CEP43: variants seen among roughly 807,000 people sequenced by gnomAD.
CEP43 encodes the protein FGFR1 oncogene partner.
A neutral mutation model predicts 52.6 loss-of-function variants in CEP43; 36 were observed. The ratio of observed to expected loss-of-function variants is 0.68; its 90% CI spans 0.52 to 0.90. The LOEUF (loss-of-function observed/expected upper bound fraction) is 0.90, where lower values mean the gene tolerates loss of function less well. CEP43 is among the 40% of genes least tolerant of loss of function. CEP43 has a pLI of 0.00. For missense variants in CEP43, 506 were observed against 472.8 expected (o/e 1.07, Z -0.65); for synonymous variants, 192 against 172.4 (o/e 1.11, Z -0.89).
chr6:167,044,713 T>C lies in CEP43; in HGVS notation c.*4735T>C, dbSNP rs1041271484. On this transcript the variant is annotated 3_prime_UTR_variant, in exon 13 of 13. Transcript: ENST00000366847. ...GCCCCTCGTGTCATCCGACTTTGCG[T>C]TGTGGCCCTGCCTGCAGAAACGTGT... 4 of 260,674 alleles carry C rather than the reference T, an allele frequency of 1.5e-5. No homozygotes were observed. The highest frequency in any genetic ancestry group is 2.4e-5 in the Non-Finnish European group (4 of 167,342). The allele number at this position is 260,674 out of a possible 1,614,324, so 16.1% of individuals were successfully genotyped here.
intron 12 of CEP43, chr6:167,036,747 C>T (rs982403134): frequency 1.0e-5 from 10 of 984,702 alleles, no homozygotes; most frequent in Non-Finnish European, 1.2e-5. Context: ...AAGTTGGTCA[C>T]TTTGAGTTCT....
rs113442905 is a variant in CEP43 at position 167,012,343 on chromosome 6, G to C, written c.520-1165G>C. On this transcript the variant is annotated intron_variant, in intron 6 of 12. Transcript: ENST00000366847. ...TTGCTCCTTCTGAGATTTCTAGTTG[G>C]TGTAGGGAAGGCCTTTTTTTAAAAT... is the stretch of plus-strand genomic sequence containing the variant. Among the ~76,000 whole-genome samples the C allele has an allele frequency of 2.2e-3, 342 of 152,110 alleles. 2 individuals are homozygous for C. The highest frequency in any genetic ancestry group is 6.0e-3 in the Admixed American group (92 of 15,292).
intron 12 of CEP43, chr6:167,036,137 A>C (rs997032926): frequency 3.0e-6 from 3 of 985,298 alleles, no homozygotes; most frequent in Non-Finnish European, 3.6e-6. Context: ...AAAAAGTGAC[A>C]GGTGCCATAA....
intron 5 of CEP43, among the ~76,000 whole-genome samples, chr6:167,009,316 C>T (rs1192455937): frequency 7.9e-5 from 12 of 151,552 alleles, no homozygotes; most frequent in African/African-American, 2.9e-4. Flanking sequence ...TTGAGACCAG[C>T]CTGGCCAACA....
chr6:167,047,869 TA>T lies in CEP43; in HGVS notation c.*7893del, dbSNP rs1431771581. 4 of 152,286 alleles carry T rather than the reference TA, an allele frequency of 2.6e-5. No homozygotes were observed. The East Asian group carries it at 7.7e-4, about 29-fold the overall frequency. 9.4% of individuals were successfully genotyped at this position (152,286 alleles called of 1,614,324 possible). ...CAGAGGAACCTCACGGTGGATGCCG[TA>T]AGTGTTTACACTGAAAAGGATTTTC... On this transcript the variant is annotated 3_prime_UTR_variant, in exon 13 of 13. Transcript: ENST00000366847.
Position 167,048,705 on chromosome 6 carries a change from A to T in CEP43, c.*8727A>T, listed in dbSNP as rs961320232. The T allele has an allele frequency of 6.6e-6, 1 of 152,232 alleles. No homozygotes were observed. The highest frequency in any genetic ancestry group is 1.5e-5 in the Non-Finnish European group (1 of 68,032). 9.4% of individuals were successfully genotyped at this position (152,232 alleles called of 1,614,324 possible). On this transcript the variant is annotated 3_prime_UTR_variant, in exon 13 of 13. Transcript: ENST00000366847. ...AATACATGGTAAAAATATTCAAATTATTACTGATTTGACACAAAATATTGA... is the reference window on the plus strand; with the variant it reads ...AATACATGGTAAAAATATTCAAATTTTTACTGATTTGACACAAAATATTGA...
rs558005992 is a variant in CEP43, at chr6:167,047,816, G to A, written c.*7838G>A. ...ATGAGACACAGAATCAGAAACCATG[G>A]ATTTCTGGTCTTGACTCCACTACCA... On this transcript the variant is annotated 3_prime_UTR_variant, in exon 13 of 13. Coordinates refer to ENST00000366847, the MANE Select transcript of CEP43 (RefSeq NM_007045.4). 5.0e-4 allele frequency: 76 copies of A among 152,040 alleles called. No homozygotes were observed. The highest frequency in any genetic ancestry group is 1.8e-3 in the African/African-American group (74 of 41,480). The allele number at this position is 152,040 out of a possible 1,614,324, so 9.4% of individuals were successfully genotyped here.
At chr6:167,000,508 T>C (rs1779710177) in intron 2 of CEP43, among the ~76,000 whole-genome samples, 1 of 152,232 alleles carries the variant, frequency 6.6e-6, no homozygotes, top group South Asian at 2.1e-4. Context: ...CTCAATTATT[T>C]TGACAATGAA....
In CEP43 at chr6:167,040,782, A is replaced by G; in HGVS notation, c.*804A>G. ...TCTGAAACCATTAAGCAGTGCTTTT[A>G]TTTCAGATCTGTAAGTTAATTGTAT... On this transcript the variant is annotated 3_prime_UTR_variant, in exon 13 of 13. Coordinates refer to ENST00000366847, the MANE Select transcript of CEP43 (RefSeq NM_007045.4). 9.9e-7 allele frequency: 1 copy of G among 1,012,446 alleles called. No homozygotes were observed. Among genetic ancestry groups the G allele is most frequent in the Non-Finnish European group, 1.2e-6 (1 of 842,758 alleles). The allele number at this position is 1,012,446 out of a possible 1,614,324, so 62.7% of individuals were successfully genotyped here.
At chr6:167,038,468 G>C (rs942995031) in intron 12 of CEP43, among the ~76,000 whole-genome samples, 1 of 152,188 alleles carries the variant, frequency 6.6e-6, no homozygotes, top group Non-Finnish European at 1.5e-5. Context: ...AATTTAACGT[G>C]GGTAAATTAT....
rs772655774 is a variant in CEP43, at chr6:167,022,653, G to A, written c.806+18G>A. On this transcript the variant is annotated intron_variant, in intron 8 of 12. Transcript: ENST00000366847. ...TACGGTTTGTGAGTAAATGGTTTTT[G>A]AGCTATGAGACTAGGGGTTTAAAAA... 2.0e-6 allele frequency: 3 copies of A among 1,517,400 alleles called. No homozygotes were observed. Among genetic ancestry groups the A allele is most frequent in the Admixed American group, 3.4e-5 (2 of 59,278 alleles). 94.0% of individuals were successfully genotyped at this position (1,517,400 alleles called of 1,614,324 possible). A position where few individuals can be genotyped will look rare whatever the true frequency, so the allele number is the denominator to read the frequency against.
chr6:167,009,596 C>T (rs184055210), intron 5 of CEP43, among the ~76,000 whole-genome samples: 34 of 140,720 alleles, frequency 2.4e-4, no homozygotes, highest in Non-Finnish European at 4.2e-4. Flanking sequence ...ACCCGGCAGT[C>T]GGAGGTTGCA....
At chr6:167,007,286 T>G (rs1185990395) in intron 5 of CEP43, among the ~76,000 whole-genome samples, 3 of 152,198 alleles carry the variant, frequency 2.0e-5, no homozygotes, top group Non-Finnish European at 4.4e-5. Context: ...TCACTGTTCT[T>G]CAGTACTTCA....
rs1779804916 is a variant in CEP43 at position 167,004,370 on chromosome 6, A to G, written c.407A>G (p.Gln136Arg). 2 of 1,601,278 alleles carry G rather than the reference A, an allele frequency of 1.2e-6. No individual in the cohort carries two copies. The highest frequency in any genetic ancestry group is 1.7e-6 in the Non-Finnish European group (2 of 1,174,386). Reference sequence around the variant, plus strand: ...TTATTAGAAGTGATCAGGCGCTGTCAACAGAAAGAAAAAGGGCCAACCACT... The same window carrying G: ...TTATTAGAAGTGATCAGGCGCTGTCGACAGAAAGAAAAAGGGCCAACCACT... ...PLLLEVIRRC[Q>R]QKEKGPTTGE... The change falls in exon 5 of 13, where the codon CAA (glutamine) becomes CGA (arginine). Residue 136 changes from glutamine (Q) to arginine (R), a missense_variant. Gln to Arg is a conservative substitution (Grantham distance 43). Transcript: ENST00000366847.
rs1295716471 is a variant in CEP43 at position 167,043,677 on chromosome 6, C to G, written c.*3699C>G. Reference sequence around the variant, plus strand: ...GGAATACAGGTGTGAGTCACGGTGCCCGGCCTAGTCTTCCTGCTCTAGGAA... The same window carrying G: ...GGAATACAGGTGTGAGTCACGGTGCGCGGCCTAGTCTTCCTGCTCTAGGAA... On this transcript the variant is annotated 3_prime_UTR_variant, in exon 13 of 13. Transcript: ENST00000366847. 1 of 152,236 alleles carries G rather than the reference C, an allele frequency of 6.6e-6. No individual in the cohort carries two copies. Among genetic ancestry groups the G allele is most frequent in the Non-Finnish European group, 1.5e-5 (1 of 68,142 alleles). The allele number at this position is 152,236 out of a possible 1,614,324, so 9.4% of individuals were successfully genotyped here.
chr6:167,017,678 A>G (rs887123370), intron 7 of CEP43, among the ~76,000 whole-genome samples: 1 of 150,328 alleles, frequency 6.7e-6, no homozygotes, highest in Non-Finnish European at 1.5e-5. Flanking sequence ...AAACTTCTCT[A>G]GTGCTGACTT....
intron 12 of CEP43, chr6:167,036,958 C>A (rs750439262): frequency 3.1e-5 from 5 of 160,434 alleles, no homozygotes; most frequent in Non-Finnish European, 6.6e-5. Flanking sequence ...GCATGTACCA[C>A]CATGCCCGGC....
chr6:167,001,560 C>A (rs1012122213), intron 2 of CEP43, among the ~76,000 whole-genome samples: 13 of 152,210 alleles, frequency 8.5e-5, no homozygotes, highest in African/African-American at 3.1e-4. Flanking sequence ...AACTCCAGCC[C>A]TGTAACTTTC....
At position 167,048,175 on chromosome 6, in the gene CEP43, G is replaced by C. The variant is rs118063625; in HGVS notation, c.*8197G>C. The C allele has an allele frequency of 0.021, 2,767 of 131,992 alleles. 45 individuals are homozygous for C. Among genetic ancestry groups the C allele is most frequent in the East Asian group, 0.095 (449 of 4,736 alleles). The allele number at this position is 131,992 out of a possible 1,614,324, so 8.2% of individuals were successfully genotyped here. On this transcript the variant is annotated 3_prime_UTR_variant, in exon 13 of 13. Transcript: ENST00000366847. ...GGAGACCAAGGCGGGCAGATTGCTT[G>C]AGCTCAGGAGTTTGTGAGACTAGCC...
Sources: gnomAD v4.1 joint callset for allele counts (sites outside exome capture counted in the v4.1 genomes callset) on GRCh38, gnomAD v4.1.1 for gene constraint, MANE v1.5 for transcripts, NCBI Gene and HGNC (gene_info 2026-07-23, HGNC 2026-07-21) for gene names.